TEX11: variants seen among roughly 807,000 people sequenced by gnomAD.
The protein encoded by TEX11 is testis expressed 11.
TEX11 carries 7 observed loss-of-function variants against 84.4 expected under a neutral mutation model. The observed-to-expected ratio is 0.08, with a 90% confidence interval of 0.05 to 0.16. The LOEUF (loss-of-function observed/expected upper bound fraction) is 0.16, where lower values mean the gene tolerates loss of function less well. Ranked by LOEUF, TEX11 falls within the 10% of genes least tolerant of loss-of-function variation. The probability of loss-of-function intolerance (pLI) is 1.00; values close to 1 mark genes in which losing one functional copy is unlikely to be tolerated. For synonymous variants in TEX11, 264 were observed against 222.8 expected (o/e 1.18, Z -1.64); for missense variants, 551 against 660.5 (o/e 0.83, Z 1.82).
intron 8 of TEX11, among the ~76,000 whole-genome samples, chrX:70,829,191 A>T (rs55899903): frequency 0.25 from 27,530 of 111,059 alleles, 2,628 homozygotes; most frequent in Admixed American, 0.41. Context: ...AGTAAGCACA[A>T]GGCTGGACAG....
At chrX:70,601,666 A>G in intron 24 of TEX11, among the ~76,000 whole-genome samples, 1 of 99,118 alleles carries the variant, frequency 1.0e-5, no homozygotes, top group Non-Finnish European at 2.0e-5. Context: ...TGGTTTTCCT[A>G]GGCAGAGGAC....
At chrX:70,698,146 C>A (rs188263068) in intron 13 of TEX11, among the ~76,000 whole-genome samples, 3 of 110,778 alleles carry the variant, frequency 2.7e-5, no homozygotes, top group Non-Finnish European at 3.8e-5. Context: ...GGATACCCAC[C>A]ACCTCAAGCA....
intron 16 of TEX11, among the ~76,000 whole-genome samples, chrX:70,666,324 G>GA (rs1444210579): frequency 2.7e-5 from 3 of 111,846 alleles, no homozygotes; most frequent in Non-Finnish European, 5.6e-5. Flanking sequence ...AGGGATGCAG[G>GA]AAAGAGGTAA....
chrX:70,715,105 A>T (rs1014538687), intron 13 of TEX11, among the ~76,000 whole-genome samples: 1 of 111,316 alleles, frequency 9.0e-6, no homozygotes, highest in Non-Finnish European at 1.9e-5. Context: ...TTCTTTAAGA[A>T]TGTTGAATAT....
chrX:70,605,661 C>G (rs1344067298), intron 23 of TEX11, 144 bp from the exon 24 acceptor site: 2 of 397,030 alleles, frequency 5.0e-6, no homozygotes, highest in African/African-American at 2.6e-5. Flanking sequence ...ATGATATAAA[C>G]TATAATACTG....
intron 4 of TEX11, among the ~76,000 whole-genome samples, chrX:70,861,448 GATTTATTTATTT>G (rs67849004): frequency 6.5e-4 from 68 of 105,299 alleles, no homozygotes; most frequent in African/African-American, 2.0e-3. Context: ...TTCAGTAAGA[GATTTATTTATTT>G]ATTTATTTAT....
At chrX:70,859,270 C>T (rs766038830) in intron 5 of TEX11, among the ~76,000 whole-genome samples, 6 of 108,997 alleles carry the variant, frequency 5.5e-5, no homozygotes, top group Non-Finnish European at 1.1e-4. Context: ...AATGTATTTG[C>T]CTCTAAGGAG....
intron 2 of TEX11, among the ~76,000 whole-genome samples, chrX:70,885,955 G>C (rs1371966604): frequency 1.8e-5 from 2 of 110,369 alleles, no homozygotes; most frequent in Non-Finnish European, 1.9e-5. Flanking sequence ...TATTGGTGAG[G>C]ATGTAGAGAA....
chrX:70,887,065 T>C (rs757222713), intron 2 of TEX11, among the ~76,000 whole-genome samples: 14 of 111,899 alleles, frequency 1.3e-4, no homozygotes, highest in South Asian at 7.5e-4. Flanking sequence ...CTGGTTATCA[T>C]TGATGGTTAT....
chrX:70,569,025 C>T (rs1348658325), intron 25 of TEX11, among the ~76,000 whole-genome samples: 11 of 111,927 alleles, frequency 9.8e-5, no homozygotes, highest in East Asian at 2.8e-4. Context: ...CCATTCTCCC[C>T]GTCACCTTCA....
intron 17 of TEX11, among the ~76,000 whole-genome samples, chrX:70,645,698 A>G (rs868227482): frequency 3.0e-4 from 33 of 111,677 alleles, no homozygotes; most frequent in African/African-American, 9.7e-4. Context: ...CTACAAAAAT[A>G]TTTAGGAGCA....
At chrX:70,788,748 C>T (rs763010737) in intron 9 of TEX11, among the ~76,000 whole-genome samples, 1 of 98,651 alleles carries the variant, frequency 1.0e-5, no homozygotes, top group South Asian at 5.1e-4. Flanking sequence ...AACTACATGG[C>T]CTGGTCTGGG....
At chrX:70,694,123 C>A (rs919778875) in intron 13 of TEX11, among the ~76,000 whole-genome samples, 5 of 111,158 alleles carry the variant, frequency 4.5e-5, no homozygotes, top group African/African-American at 1.6e-4. Flanking sequence ...TGGCTCACTG[C>A]AACCTCCACC....
intron 7 of TEX11, among the ~76,000 whole-genome samples, chrX:70,839,317 G>A (rs936253833): frequency 8.9e-6 from 1 of 111,822 alleles, no homozygotes; most frequent in Non-Finnish European, 1.9e-5. Flanking sequence ...TCAGGCAGCA[G>A]CATCTGCAGT....
At chrX:70,883,633 G>C (rs971797099) in intron 2 of TEX11, among the ~76,000 whole-genome samples, 3 of 111,305 alleles carry the variant, frequency 2.7e-5, no homozygotes, top group Non-Finnish European at 5.6e-5. Context: ...CTGTATTAAG[G>C]TTTTGTCAAG....
chrX:70,602,159 C>T (rs1011799191), intron 24 of TEX11, among the ~76,000 whole-genome samples: 3 of 111,680 alleles, frequency 2.7e-5, no homozygotes, highest in African/African-American at 6.5e-5. Context: ...GCTGGCCGGG[C>T]GGGGGGCTGA....
intron 28 of TEX11, among the ~76,000 whole-genome samples, chrX:70,541,648 C>T (rs1024679444): frequency 8.1e-5 from 9 of 111,371 alleles, no homozygotes; most frequent in Admixed American, 3.8e-4. Context: ...GTCCCAGCTA[C>T]TTGGGAGGCT....
intron 8 of TEX11, among the ~76,000 whole-genome samples, chrX:70,812,209 A>T (rs867977450): frequency 2.0e-5 from 2 of 101,084 alleles, no homozygotes; most frequent in East Asian, 3.1e-4. Flanking sequence ...TCTTGAATTA[A>T]TTTTTTTTTT....
intron 11 of TEX11, among the ~76,000 whole-genome samples, chrX:70,734,194 C>G (rs1374137571): frequency 9.1e-6 from 1 of 110,042 alleles, no homozygotes; most frequent in Non-Finnish European, 1.9e-5. Flanking sequence ...AGGAGATATA[C>G]CTAATGTTAA....
Sources: allele counts gnomAD v4.1 joint callset (sites outside exome capture counted in the v4.1 genomes callset), GRCh38; gene constraint gnomAD v4.1.1; transcripts MANE v1.5; gene names NCBI Gene and HGNC (gene_info 2026-07-23, HGNC 2026-07-21).